Variants in CHRNA7 observed in about 807,000 individuals in gnomAD.
CHRNA7 encodes the protein cholinergic receptor nicotinic alpha 7 subunit, also known as neuronal acetylcholine receptor subunit alpha-7.
A neutral mutation model predicts 48.0 loss-of-function variants in CHRNA7; 17 were observed. The ratio of observed to expected loss-of-function variants is 0.35; its 90% CI spans 0.24 to 0.53. The LOEUF (loss-of-function observed/expected upper bound fraction) is 0.53, where lower values mean the gene tolerates loss of function less well. Ranked by LOEUF, CHRNA7 falls within the 20% of genes least tolerant of loss-of-function variation. The pLI, the probability that CHRNA7 is intolerant of heterozygous loss-of-function variation, is 0.92. For synonymous variants in CHRNA7, 75 were observed against 242.3 expected, an observed-to-expected ratio of 0.31 and a Z score of 6.41; for missense variants, 155 against 577.7, an observed-to-expected ratio of 0.27 and a Z score of 7.50.
chr15:32,042,008 T>C (rs1301579609), intron 2 of CHRNA7, among the ~76,000 whole-genome samples: 1 of 152,240 alleles, frequency 6.6e-6, no homozygotes, highest in African/African-American at 2.4e-5. Context: ...TACTAATGCA[T>C]GTTCTGTCTC....
chr15:32,061,431 C>T (rs908925131), intron 2 of CHRNA7, among the ~76,000 whole-genome samples: 6 of 152,114 alleles, frequency 3.9e-5, no homozygotes, highest in East Asian at 1.9e-4. Context: ...CCCACAATAC[C>T]GAAATACTTT....
intron 4 of CHRNA7, among the ~76,000 whole-genome samples, chr15:32,120,993 G>A (rs1414006689): frequency 6.6e-6 from 1 of 152,216 alleles, no homozygotes; most frequent in Non-Finnish European, 1.5e-5. Context: ...CCTGCTGTGG[G>A]GTCCCTGCGC....
At chr15:32,068,376 A>C (rs2049999862) in intron 2 of CHRNA7, among the ~76,000 whole-genome samples, 1 of 152,206 alleles carries the variant, frequency 6.6e-6, no homozygotes, top group Non-Finnish European at 1.5e-5. Flanking sequence ...GGTGGATTAG[A>C]CACTCCAATG....
chr15:32,070,563 T>C (rs2050037729), intron 2 of CHRNA7, among the ~76,000 whole-genome samples: 1 of 152,002 alleles, frequency 6.6e-6, no homozygotes, highest in Non-Finnish European at 1.5e-5. Flanking sequence ...ACCCTGAAGA[T>C]TTTTTCCTAT....
At chr15:32,066,623 AT>A (rs1226880061) in intron 2 of CHRNA7, among the ~76,000 whole-genome samples, 30 of 152,242 alleles carry the variant, frequency 2.0e-4, no homozygotes, top group African/African-American at 6.0e-4. Context: ...AAATATATGT[AT>A]GAGACATGCA....
chr15:32,094,557 G>C (rs952762754), intron 2 of CHRNA7, among the ~76,000 whole-genome samples: 1 of 152,172 alleles, frequency 6.6e-6, no homozygotes, highest in Non-Finnish European at 1.5e-5. Context: ...TTGCCAGTTC[G>C]GGCCAATTCT....
intron 2 of CHRNA7, among the ~76,000 whole-genome samples, chr15:32,070,770 T>C (rs1290869529): frequency 7.2e-6 from 1 of 138,168 alleles, no homozygotes; most frequent in African/African-American, 2.7e-5. Context: ...CACTGCAAAC[T>C]CTGCCTCGCG....
At chr15:32,057,981 T>A (rs2049814573) in intron 2 of CHRNA7, among the ~76,000 whole-genome samples, 2 of 152,196 alleles carry the variant, frequency 1.3e-5, no homozygotes, top group African/African-American at 4.8e-5. Context: ...GGCTTCCCTG[T>A]TCTTTATATT....
At chr15:32,045,625 C>T (rs1268747243) in intron 2 of CHRNA7, among the ~76,000 whole-genome samples, 1 of 151,858 alleles carries the variant, frequency 6.6e-6, no homozygotes, top group Non-Finnish European at 1.5e-5. Context: ...CAACCTCTCT[C>T]TCCCGGGTTC....
At chr15:32,141,674 C>G (rs979991586) in intron 4 of CHRNA7, among the ~76,000 whole-genome samples, 1 of 152,170 alleles carries the variant, frequency 6.6e-6, no homozygotes, top group Non-Finnish European at 1.5e-5. Flanking sequence ...ATTTTATTCT[C>G]TTTGTAGCAA....
intron 2 of CHRNA7, chr15:32,100,174 C>T (rs996340544): frequency 1.3e-5 from 2 of 151,302 alleles, no homozygotes; most frequent in African/African-American, 2.4e-5. Context: ...GCAGATGCCA[C>T]GTTCTTTCTG....
chr15:32,133,268 G>A (rs1454410693), intron 4 of CHRNA7, among the ~76,000 whole-genome samples: 1 of 152,232 alleles, frequency 6.6e-6, no homozygotes, highest in Non-Finnish European at 1.5e-5. Flanking sequence ...AGGCATAACA[G>A]GTCACATAGT....
At chr15:32,146,903 T>G (rs963561802) in intron 4 of CHRNA7, among the ~76,000 whole-genome samples, 1 of 152,160 alleles carries the variant, frequency 6.6e-6, no homozygotes, top group Non-Finnish European at 1.5e-5. Flanking sequence ...ACAAGACAAT[T>G]TTAAAGAAAA....
intron 4 of CHRNA7, among the ~76,000 whole-genome samples, chr15:32,122,589 A>G (rs985301737): frequency 2.6e-5 from 4 of 152,024 alleles, no homozygotes; most frequent in African/African-American, 9.7e-5. Context: ...TTATTCTACT[A>G]AATAGTTTGT....
chr15:32,103,916 A>G (rs1228612938), intron 3 of CHRNA7, among the ~76,000 whole-genome samples: 2 of 152,110 alleles, frequency 1.3e-5, no homozygotes, highest in Non-Finnish European at 2.9e-5. Flanking sequence ...GACCTGCAAA[A>G]CCGATCCAGG....
intron 3 of CHRNA7, among the ~76,000 whole-genome samples, chr15:32,106,183 G>C (rs956693264): frequency 6.6e-6 from 1 of 152,178 alleles, no homozygotes; most frequent in Non-Finnish European, 1.5e-5. Flanking sequence ...TCAGGGCCAG[G>C]GTTCTGAGGG....
At chr15:32,097,639 A>G (rs114570012) in intron 2 of CHRNA7, among the ~76,000 whole-genome samples, 1,772 of 152,342 alleles carry the variant, frequency 0.012, 27 homozygotes, top group African/African-American at 0.041. Flanking sequence ...TAAGCGTCCA[A>G]ATGGAATTAA....
At chr15:32,032,776 A>G (rs1179585132) in intron 2 of CHRNA7, among the ~76,000 whole-genome samples, 1 of 152,096 alleles carries the variant, frequency 6.6e-6, no homozygotes, top group Non-Finnish European at 1.5e-5. Flanking sequence ...GAACAGGAGG[A>G]AGTCAGTAGA....
chr15:32,134,983 T>C (rs1595485313), intron 4 of CHRNA7, among the ~76,000 whole-genome samples: 1 of 152,356 alleles, frequency 6.6e-6, no homozygotes, highest in South Asian at 2.1e-4. Flanking sequence ...TCTGTAGTGC[T>C]TCTGTGCACC....
Sources: allele counts gnomAD v4.1 joint callset (sites outside exome capture counted in the v4.1 genomes callset), GRCh38; gene constraint gnomAD v4.1.1; transcripts MANE v1.5; gene names NCBI Gene and HGNC (gene_info 2026-07-23, HGNC 2026-07-21).